LINS1: variants seen among roughly 807,000 people sequenced by gnomAD.
LINS1 encodes protein Lines homolog 1.
In LINS1, 27 loss-of-function variants were observed where a neutral mutation model predicts 41.6. The observed-to-expected ratio is 0.65, with a 90% CI of 0.48 to 0.89. LINS1 has a LOEUF of 0.89. LINS1 is among the 40% of genes least tolerant of loss of function. The pLI, the probability that LINS1 is intolerant of heterozygous loss-of-function variation, is 0.00. For synonymous variants in LINS1, 336 were observed against 312.9 expected (o/e 1.07, Z -0.78); for missense variants, 955 against 884.1 (o/e 1.08, Z -1.02).
intron 3 of LINS1, chr15:100,576,533 T>G (rs1297313041): frequency 6.6e-6 from 1 of 152,138 alleles, no homozygotes; most frequent in African/African-American, 2.4e-5. Flanking sequence ...GCAATAATAA[T>G]AGCTTACCAA....
Position 100,595,913 on chromosome 15 carries a change from C to T in LINS1, c.-104+6208G>A, listed in dbSNP as rs114840783. Among the ~76,000 whole-genome samples the T allele has an allele frequency of 8.1e-3, 1,233 of 152,274 alleles. 16 individuals carry two copies. The highest frequency in any genetic ancestry group is 0.028 in the African/African-American group (1,167 of 41,548). ...CAGGATTCTGGTTCCCTCCACCAAT[C>T]GAAACTGCACTTTTCACAGAAAAAA... On this transcript the variant is annotated intron_variant, in intron 1 of 6. Coordinates refer to ENST00000314742, the MANE Select transcript of LINS1 (RefSeq NM_001040616.3).
chr15:100,585,132 C>G (rs10438472), intron 1 of LINS1, among the ~76,000 whole-genome samples: 1 of 152,136 alleles, frequency 6.6e-6, no homozygotes, highest in African/African-American at 2.4e-5. Flanking sequence ...AGTAAGCCAT[C>G]GCCTCTGGAA....
chr15:100,585,017 G>A (rs1268037101), intron 1 of LINS1, among the ~76,000 whole-genome samples: 1 of 152,204 alleles, frequency 6.6e-6, no homozygotes, highest in Non-Finnish European at 1.5e-5. Flanking sequence ...TACAGTTCAT[G>A]GCTGTCACTC....
intron 1 of LINS1, among the ~76,000 whole-genome samples, chr15:100,582,884 C>CAT (rs1183860280): frequency 1.6e-4 from 15 of 92,068 alleles, no homozygotes; most frequent in South Asian, 7.9e-4. Flanking sequence ...ATCTACACTA[C>CAT]GGCCCACTAG....
intron 1 of LINS1, among the ~76,000 whole-genome samples, chr15:100,599,007 G>T (rs534322739): frequency 5.3e-5 from 8 of 152,190 alleles, no homozygotes; most frequent in Non-Finnish European, 8.8e-5. Context: ...GGACTCCCTA[G>T]AGACCAGCTA....
At chr15:100,595,159 C>G (rs2039192090) in intron 1 of LINS1, among the ~76,000 whole-genome samples, 1 of 151,956 alleles carries the variant, frequency 6.6e-6, no homozygotes, top group Non-Finnish European at 1.5e-5. Context: ...TCAGACTTGA[C>G]CATAAAAGCA....
chr15:100,579,354 G>C (rs1002292697), intron 3 of LINS1, among the ~76,000 whole-genome samples: 5 of 150,302 alleles, frequency 3.3e-5, no homozygotes, highest in African/African-American at 1.2e-4. Context: ...AGAAAGCAAA[G>C]ACTGTGGCCC....
At chr15:100,571,173 T>C (rs1021025279) in intron 6 of LINS1, among the ~76,000 whole-genome samples, 2 of 152,142 alleles carry the variant, frequency 1.3e-5, no homozygotes, top group African/African-American at 2.4e-5. Flanking sequence ...ATAATACAAG[T>C]AAGTACTGGC....
chr15:100,591,947 G>T (rs566134814), intron 1 of LINS1, among the ~76,000 whole-genome samples: 43 of 152,288 alleles, frequency 2.8e-4, no homozygotes, highest in African/African-American at 1.0e-3. Context: ...ACAGAATAGG[G>T]TCTGGAGGCA....
intron 1 of LINS1, among the ~76,000 whole-genome samples, chr15:100,600,740 G>A (rs962603605): frequency 1.3e-4 from 20 of 152,066 alleles, no homozygotes; most frequent in Admixed American, 6.5e-4. Flanking sequence ...AGTATAATGG[G>A]ACAAAAATTA....
chr15:100,570,699 T>C (rs1454445786), intron 6 of LINS1: 1 of 152,474 alleles, frequency 6.6e-6, no homozygotes, highest in Non-Finnish European at 1.5e-5. Flanking sequence ...ATTGATGACA[T>C]GATTGATTAT....
intron 1 of LINS1, among the ~76,000 whole-genome samples, chr15:100,592,350 T>C (rs1185872222): frequency 1.3e-5 from 2 of 152,228 alleles, no homozygotes; most frequent in Admixed American, 6.5e-5. Context: ...ATAACACTTT[T>C]GGATTTTTAC....
chr15:100,601,980 AG>A (rs1350567062), intron 1 of LINS1, 140 bp downstream of exon 1: 2 of 152,188 alleles, frequency 1.3e-5, no homozygotes, highest in Non-Finnish European at 2.9e-5. Context: ...AGCGCTGAAC[AG>A]GGGCGGAGAA....
At chr15:100,592,459 C>G (rs897348770) in intron 1 of LINS1, among the ~76,000 whole-genome samples, 1 of 152,032 alleles carries the variant, frequency 6.6e-6, no homozygotes, top group African/African-American at 2.4e-5. Context: ...GGGGGTAGGG[C>G]TGAAAGTTCC....
intron 1 of LINS1, among the ~76,000 whole-genome samples, chr15:100,594,715 T>C (rs932380013): frequency 2.6e-5 from 4 of 152,050 alleles, no homozygotes; most frequent in African/African-American, 9.7e-5. Flanking sequence ...GAAGAAAAAA[T>C]CCATACATGT....
chr15:100,597,972 A>G (rs201283691), intron 1 of LINS1, among the ~76,000 whole-genome samples: 3 of 152,244 alleles, frequency 2.0e-5, no homozygotes, highest in African/African-American at 7.2e-5. Context: ...AGATGTCAAT[A>G]TGTCTTTATT....
chr15:100,572,815 C>G lies in LINS1; in HGVS notation c.1223-750G>C, dbSNP rs1019060511. 5 of 925,766 alleles carry G rather than the reference C, an allele frequency of 5.4e-6. No homozygotes were observed. In the South Asian group the frequency reaches 1.5e-4, roughly 28 times the overall value. The allele number at this position is 925,766 out of a possible 1,614,324, so 57.3% of individuals were successfully genotyped here. On this transcript the variant is annotated intron_variant, in intron 5 of 6. Coordinates refer to ENST00000314742, the MANE Select transcript of LINS1 (RefSeq NM_001040616.3). Reference sequence around the variant, plus strand: ...CTGGAAATTATATATGTAACAATTTCTTTGTCAATATAACTTCTCATATAT... The same window carrying G: ...CTGGAAATTATATATGTAACAATTTGTTTGTCAATATAACTTCTCATATAT...
chr15:100,588,042 A>G (rs1005342129), intron 1 of LINS1, among the ~76,000 whole-genome samples: 1 of 152,262 alleles, frequency 6.6e-6, no homozygotes, highest in Non-Finnish European at 1.5e-5. Context: ...GTTAAATGAA[A>G]GGTAAATGTC....
intron 1 of LINS1, among the ~76,000 whole-genome samples, chr15:100,585,337 T>C (rs2038752924): frequency 6.6e-6 from 1 of 152,210 alleles, no homozygotes; most frequent in Non-Finnish European, 1.5e-5. Context: ...GCAATGCTGT[T>C]TGGCCCCAAT....
Sources: allele counts gnomAD v4.1 joint callset (sites outside exome capture counted in the v4.1 genomes callset), GRCh38; gene constraint gnomAD v4.1.1; transcripts MANE v1.5; gene names NCBI Gene and HGNC (gene_info 2026-07-23, HGNC 2026-07-21).